Variants in TACC2 observed in about 807,000 individuals in gnomAD.
The protein encoded by TACC2 is transforming acidic coiled-coil-containing protein 2.
A neutral mutation model predicts 227.3 loss-of-function variants in TACC2; 137 were observed. That is an observed-to-expected ratio of 0.60 (90% CI 0.52 to 0.69). The LOEUF (loss-of-function observed/expected upper bound fraction) is 0.69. TACC2 is among the 30% of genes least tolerant of loss of function. TACC2 has a pLI of 0.00. For synonymous variants in TACC2, 1,523 were observed against 1,487.5 expected (o/e 1.02, Z -0.55); for missense variants, 3,470 against 3,694.4 (o/e 0.94, Z 1.57).
chr10:122,208,466 A>C (rs1419147713), intron 8 of TACC2, among the ~76,000 whole-genome samples: 1 of 152,194 alleles, frequency 6.6e-6, no homozygotes, highest in African/African-American at 2.4e-5. Flanking sequence ...AGTCGGGAGC[A>C]TGAATTGCTC....
chr10:122,224,815 G>C, intron 12 of TACC2, 28 bp downstream of exon 12: 2 of 1,600,620 alleles, frequency 1.2e-6, no homozygotes, highest in Non-Finnish European at 1.7e-6. Context: ...GGGCCACTTA[G>C]GGGACTCGCT....
chr10:122,076,384 G>A (rs1052003593), intron 3 of TACC2, among the ~76,000 whole-genome samples: 2 of 152,080 alleles, frequency 1.3e-5, no homozygotes, highest in African/African-American at 4.8e-5. Context: ...ATTAAGTTTG[G>A]GGATTAAGTT....
At chr10:122,241,667 A>G in intron 18 of TACC2, 1 of 474,408 alleles carries the variant, frequency 2.1e-6, no homozygotes, top group South Asian at 3.1e-5. Flanking sequence ...GCCTTAAGTA[A>G]TCCACCAGCC....
In TACC2 at chr10:122,249,427, C is replaced by T. The variant is rs7906954; in HGVS notation, c.8661-117C>T. On this transcript the variant is annotated intron_variant, in intron 21 of 22. Transcript: ENST00000369005. The stretch of plus-strand genomic sequence containing the variant: ...TCTCATGGGCTCCTGTGCTCCAGCT[C>T]CAGTTGGTGGCAGCTGGGGCCAGAC... 3.2e-5 allele frequency: 45 copies of T among 1,404,064 alleles called. No individual in the cohort carries two copies. In the African/African-American group the frequency reaches 5.6e-4, roughly 17 times the overall value. The allele number at this position is 1,404,064 out of a possible 1,614,324, so 87.0% of individuals were successfully genotyped here. A position where few individuals can be genotyped will look rare whatever the true frequency, so the allele number is the denominator to read the frequency against.
chr10:122,254,087 T>C lies in TACC2; in HGVS notation c.*31T>C, dbSNP rs1223497421. 4 of 1,598,018 alleles carry C rather than the reference T, an allele frequency of 2.5e-6. No individual in the cohort carries two copies. Among genetic ancestry groups the C allele is most frequent in the Non-Finnish European group, 2.6e-6 (3 of 1,165,422 alleles). On this transcript the variant is annotated 3_prime_UTR_variant, in exon 23 of 23. Transcript: ENST00000369005. ...AACCGAATGTTTTGGACTTAACTGTTGCGTGCAATATGACCGTCGGCACAC... is the reference window on the plus strand; with the variant it reads ...AACCGAATGTTTTGGACTTAACTGTCGCGTGCAATATGACCGTCGGCACAC...
Position 122,141,341 on chromosome 10 carries a change from G to T in TACC2, c.5700-2231G>T, listed in dbSNP as rs559910800. Among the ~76,000 whole-genome samples, 1 of 152,134 alleles carries T rather than the reference G, an allele frequency of 6.6e-6. No homozygotes were observed. Among genetic ancestry groups the T allele is most frequent in the South Asian group, 2.1e-4 (1 of 4,820 alleles). ...ATGAGCCAACAGGCGGTGGAAGGAG[G>T]GGGGCGCCTTTCTTAAATGAGCTGT... On this transcript the variant is annotated intron_variant, in intron 6 of 22. Coordinates refer to ENST00000369005, the MANE Select transcript of TACC2 (RefSeq NM_206862.4). The surrounding 1 kb of genome is among the most constrained non-coding windows in gnomAD (Gnocchi z 4.3).
At chr10:122,169,949 C>T (rs1267037878) in intron 7 of TACC2, among the ~76,000 whole-genome samples, 2 of 151,958 alleles carry the variant, frequency 1.3e-5, no homozygotes, top group Non-Finnish European at 2.9e-5. Flanking sequence ...CAGGGCCTCC[C>T]TATATTGCCC....
intron 7 of TACC2, among the ~76,000 whole-genome samples, chr10:122,154,384 C>T (rs1387667732): frequency 3.3e-5 from 5 of 152,200 alleles, no homozygotes; most frequent in African/African-American, 1.2e-4. Context: ...TGCAAAGTAG[C>T]AATCCTTCAT....
intron 7 of TACC2, among the ~76,000 whole-genome samples, chr10:122,165,819 A>G (rs1388870774): frequency 6.6e-6 from 1 of 152,186 alleles, no homozygotes; most frequent in Admixed American, 6.5e-5. Context: ...ATGGAGAGAG[A>G]GGAAATATTT....
Position 122,031,412 on chromosome 10 carries a change from T to G in TACC2, c.33+9398T>G. On this transcript the variant is annotated intron_variant, in intron 2 of 22. Transcript: ENST00000369005. ...GGTCTAGCCTCTTTTTTTTTTTTTTTTTTTTTTTTTGAGATGGAGTCTCGC... is the reference window on the plus strand; with the variant it reads ...GGTCTAGCCTCTTTTTTTTTTTTTTGTTTTTTTTTTGAGATGGAGTCTCGC... Among the ~76,000 whole-genome samples the G allele has an allele frequency of 1.4e-5, 2 of 145,434 alleles. 1 individual carries two copies.
chr10:122,002,978 G>A (rs185006821), intron 1 of TACC2, among the ~76,000 whole-genome samples: 241 of 152,166 alleles, frequency 1.6e-3, no homozygotes, highest in African/African-American at 5.1e-3. Flanking sequence ...CGAAGCAGGC[G>A]GATCACCTGA....
chr10:122,160,973 C>T (rs975328845), intron 7 of TACC2, among the ~76,000 whole-genome samples: 2 of 152,032 alleles, frequency 1.3e-5, no homozygotes, highest in African/African-American at 2.4e-5. Context: ...GACAGGGTCT[C>T]GCTCTGTCAC....
chr10:122,066,127 C>T (rs2136558767), intron 3 of TACC2, among the ~76,000 whole-genome samples: 1 of 150,808 alleles, frequency 6.6e-6, no homozygotes, highest in East Asian at 1.9e-4. Context: ...GACAGGGTCT[C>T]ACTCTATCAC....
At position 122,073,091 on chromosome 10, in the gene TACC2, T is replaced by C. The variant is rs1247564532; in HGVS notation, c.147-9556T>C. ...TCACGCCATTGGACTCCAGCCTGGG[T>C]GACAGACTCTGTCTCAAAAAAAAAA... is the stretch of plus-strand genomic sequence containing the variant. On this transcript the variant is annotated intron_variant, in intron 3 of 22. Coordinates refer to ENST00000369005, the MANE Select transcript of TACC2 (RefSeq NM_206862.4). Among the ~76,000 whole-genome samples, 22 of 113,492 alleles carry C rather than the reference T, an allele frequency of 1.9e-4. No homozygotes were observed. The East Asian group carries it at 3.2e-3, about 16-fold the overall frequency. 74.5% of individuals were successfully genotyped at this position (113,492 alleles called of 152,430 possible).
chr10:122,114,477 G>T (rs1390138257), intron 5 of TACC2, among the ~76,000 whole-genome samples: 1 of 152,258 alleles, frequency 6.6e-6, no homozygotes, highest in Non-Finnish European at 1.5e-5. Context: ...TCCCGGAGCA[G>T]CTGGCTTTCC....
intron 1 of TACC2, among the ~76,000 whole-genome samples, chr10:122,008,264 A>ATTGTTATTT: frequency 2.2e-5 from 3 of 134,654 alleles, no homozygotes; most frequent in African/African-American, 8.4e-5. Context: ...TATTATTATT[A>ATTGTTATTT]TTTTTTTTTT....
intron 2 of TACC2, among the ~76,000 whole-genome samples, chr10:122,049,453 A>G (rs1439296381): frequency 6.6e-6 from 1 of 151,850 alleles, no homozygotes; most frequent in Non-Finnish European, 1.5e-5. Flanking sequence ...TCTCATGTAC[A>G]CTCCAGTGGG....
At position 122,209,833 on chromosome 10, in the gene TACC2, G is replaced by T. The variant is rs747629601; in HGVS notation, c.5972-564G>T. On this transcript the variant is annotated intron_variant, in intron 8 of 22. Transcript: ENST00000369005. The surrounding 1 kb of genome is among the most constrained non-coding windows in gnomAD (Gnocchi z 4.5). ...GGCTCCGGAATAGCTGGGATTACAG[G>T]CGCTCACCACCATGCCTGGCTAATT... The T allele has an allele frequency of 1.3e-5, 2 of 157,084 alleles. No individual in the cohort carries two copies. The highest frequency in any genetic ancestry group is 2.8e-5 in the Non-Finnish European group (2 of 70,890). 9.7% of individuals were successfully genotyped at this position (157,084 alleles called of 1,614,324 possible).
At chr10:122,232,191 A>T (rs2095765857) in intron 16 of TACC2, among the ~76,000 whole-genome samples, 4 of 152,264 alleles carry the variant, frequency 2.6e-5, no homozygotes, top group Middle Eastern at 3.2e-3. Flanking sequence ...AGCATGAAGC[A>T]GTGAGGATTT....
Sources: gnomAD v4.1 joint callset for allele counts (sites outside exome capture counted in the v4.1 genomes callset) on GRCh38, gnomAD v4.1.1 for gene constraint, Gnocchi (gnomAD v3.1) non-coding constraint, MANE v1.5 for transcripts, NCBI Gene and HGNC (gene_info 2026-07-23, HGNC 2026-07-21) for gene names.